Variants in CEP70 observed in about 807,000 individuals in gnomAD.
CEP70 encodes the protein centrosomal protein of 70 kDa.
CEP70 carries 70 observed loss-of-function variants against 90.9 expected under a neutral mutation model. The observed-to-expected ratio is 0.77, with a 90% confidence interval of 0.64 to 0.94. The LOEUF (loss-of-function observed/expected upper bound fraction) is 0.94. CEP70 is among the 40% of genes least tolerant of loss of function. CEP70 has a pLI of 0.00. For missense variants in CEP70, 648 were observed against 669.0 expected, an observed-to-expected ratio of 0.97 and a Z score of 0.35; for synonymous variants, 220 against 228.3, an observed-to-expected ratio of 0.96 and a Z score of 0.33.
chr3:138,563,360 T>C (rs1349385485), intron 6 of CEP70, among the ~76,000 whole-genome samples: 1 of 152,168 alleles, frequency 6.6e-6, no homozygotes, highest in Non-Finnish European at 1.5e-5. Flanking sequence ...CTAATAGATA[T>C]CTACAGAACT....
Position 138,572,200 on chromosome 3 carries a change from G to A in CEP70, c.69+659C>T, listed in dbSNP as rs371835520. ...AAGGTCTAACTATAAAAAGGAGCCC[G>A]TCCATCTGGATAACTGACTCTAACA... On this transcript the variant is annotated intron_variant, in intron 3 of 17. Transcript: ENST00000264982. Among the ~76,000 whole-genome samples, 54 of 152,288 alleles carry A rather than the reference G, an allele frequency of 3.5e-4. No individual in the cohort carries two copies. The South Asian group carries it at 9.9e-3, about 28-fold the overall frequency.
At chr3:138,590,361 G>A (rs1426770922) in intron 2 of CEP70, among the ~76,000 whole-genome samples, 2 of 152,006 alleles carry the variant, frequency 1.3e-5, no homozygotes, top group African/African-American at 4.8e-5. Context: ...GAATACATTA[G>A]GTATCTTTTA....
intron 2 of CEP70, among the ~76,000 whole-genome samples, chr3:138,581,757 G>A (rs1430241885): frequency 6.6e-6 from 1 of 150,440 alleles, no homozygotes; most frequent in East Asian, 1.9e-4. Flanking sequence ...TGTATTCAGA[G>A]GGATAACAGA....
At position 138,500,360 on chromosome 3, in the gene CEP70, T is replaced by C. The variant is rs757477084; in HGVS notation, c.1537+39A>G. The C allele has an allele frequency of 2.6e-6, 4 of 1,545,694 alleles. No homozygotes were observed. The East Asian group carries it at 9.0e-5, about 35-fold the overall frequency. On this transcript the variant is annotated intron_variant, in intron 15 of 17. Coordinates refer to ENST00000264982, the MANE Select transcript of CEP70 (RefSeq NM_024491.4). The stretch of plus-strand genomic sequence containing the variant: ...TACTTTTTGTTAATTTATTAAAAAT[T>C]CTTAAATGGGGGCCCAAAATGACAA...
chr3:138,589,721 A>G (rs907349540), intron 2 of CEP70, among the ~76,000 whole-genome samples: 1 of 152,144 alleles, frequency 6.6e-6, no homozygotes, highest in Non-Finnish European at 1.5e-5. Flanking sequence ...ATGACTTATA[A>G]GAAGAAGAAA....
chr3:138,554,840 T>C (rs2039879084), intron 6 of CEP70, among the ~76,000 whole-genome samples: 1 of 152,214 alleles, frequency 6.6e-6, no homozygotes, highest in African/African-American at 2.4e-5. Flanking sequence ...ATTGTGATGA[T>C]TTTTTCCCAC....
intron 2 of CEP70, among the ~76,000 whole-genome samples, chr3:138,577,482 A>C (rs2041611052): frequency 6.6e-6 from 1 of 152,094 alleles, no homozygotes; most frequent in Non-Finnish European, 1.5e-5. Flanking sequence ...CCCCATCTTT[A>C]CTAAAAATAT....
intron 17 of CEP70, chr3:138,496,207 C>T (rs1576491345): frequency 1.0e-6 from 1 of 985,424 alleles, no homozygotes; most frequent in Admixed American, 6.1e-5. Context: ...CGTTCCCTTA[C>T]ATAAAGCATG....
intron 2 of CEP70, among the ~76,000 whole-genome samples, chr3:138,578,827 G>C (rs2041692662): frequency 6.6e-6 from 1 of 152,182 alleles, no homozygotes; most frequent in South Asian, 2.1e-4. Context: ...CAAAATGACT[G>C]AACAGAAGCC....
At chr3:138,500,916 T>C (rs1413992620) in intron 13 of CEP70, 35 bp from the exon 14 acceptor site, 7 of 1,079,790 alleles carry the variant, frequency 6.5e-6, no homozygotes, top group Non-Finnish European at 8.9e-6. Context: ...GTATTATTGA[T>C]TTAAATAATT....
At chr3:138,561,887 G>C (rs577671108) in intron 6 of CEP70, among the ~76,000 whole-genome samples, 3 of 151,940 alleles carry the variant, frequency 2.0e-5, no homozygotes, top group African/African-American at 7.2e-5. Context: ...AGCTGGGCAT[G>C]GTGGCAGGCA....
At chr3:138,549,249 G>C (rs1188641914) in intron 6 of CEP70, among the ~76,000 whole-genome samples, 1 of 151,570 alleles carries the variant, frequency 6.6e-6, no homozygotes, top group South Asian at 2.1e-4. Context: ...TTTGAGAAGC[G>C]GGGAGGCACG....
intron 7 of CEP70, among the ~76,000 whole-genome samples, chr3:138,534,390 T>C (rs777284148): frequency 6.6e-6 from 1 of 152,272 alleles, no homozygotes; most frequent in Non-Finnish European, 1.5e-5. Context: ...CTTTAATCTT[T>C]ATATCCTGCA....
chr3:138,508,667 G>A (rs576298988), intron 11 of CEP70, 123 bp from the exon 12 acceptor site: 80 of 680,162 alleles, frequency 1.2e-4, no homozygotes, highest in Non-Finnish European at 1.7e-4. Context: ...ACTTATATGT[G>A]TGTGTGCACA....
intron 6 of CEP70, among the ~76,000 whole-genome samples, chr3:138,564,571 A>T (rs1248391407): frequency 6.6e-6 from 1 of 152,256 alleles, no homozygotes; most frequent in Non-Finnish European, 1.5e-5. Context: ...GTAATCCATC[A>T]TGTAAACAGA....
intron 17 of CEP70, chr3:138,496,262 T>C (rs765692964): frequency 6.9e-5 from 68 of 985,350 alleles, no homozygotes; most frequent in Non-Finnish European, 8.1e-5. Flanking sequence ...TGGATCTTGG[T>C]TGCTCTTCAC....
At chr3:138,498,338 C>CTTTT (rs200581423) in intron 16 of CEP70, among the ~76,000 whole-genome samples, 1 of 135,894 alleles carries the variant, frequency 7.4e-6, no homozygotes, top group Non-Finnish European at 1.6e-5. Context: ...ATATAACATT[C>CTTTT]TTTTTTTTTT....
intron 2 of CEP70, among the ~76,000 whole-genome samples, chr3:138,585,106 C>T (rs1657429519): frequency 6.6e-6 from 1 of 152,148 alleles, no homozygotes; most frequent in South Asian, 2.1e-4. Context: ...ATCAAATTAT[C>T]CTTGTTTGCA....
intron 11 of CEP70, among the ~76,000 whole-genome samples, chr3:138,516,969 C>G (rs915373520): frequency 3.3e-5 from 5 of 152,146 alleles, no homozygotes; most frequent in African/African-American, 4.8e-5. Flanking sequence ...CTTTGAAACA[C>G]TGAGCACTTG....
Sources: allele counts gnomAD v4.1 joint callset (sites outside exome capture counted in the v4.1 genomes callset), GRCh38; gene constraint gnomAD v4.1.1; transcripts MANE v1.5; gene names NCBI Gene and HGNC (gene_info 2026-07-23, HGNC 2026-07-21).